Variants in UGT2A3 observed in about 807,000 individuals in gnomAD.
The protein encoded by UGT2A3 is UDP glucuronosyltransferase family 2 member A3.
In UGT2A3, 55 loss-of-function variants were observed where a neutral mutation model predicts 44.1. The ratio of observed to expected loss-of-function variants is 1.25; its 90% confidence interval spans 1.00 to 1.56. UGT2A3 has a LOEUF of 1.56. Ranked by LOEUF, UGT2A3 falls within the 40% of genes most tolerant of loss-of-function variation. The probability of loss-of-function intolerance (pLI) is 0.00; values close to 1 mark genes in which losing one functional copy is unlikely to be tolerated. For synonymous variants in UGT2A3, 243 were observed against 215.1 expected (o/e 1.13, Z -1.13); for missense variants, 733 against 621.6 (o/e 1.18, Z -1.91).
At chr4:68,935,834 C>T (rs963945077) in intron 2 of UGT2A3, among the ~76,000 whole-genome samples, 1 of 151,978 alleles carries the variant, frequency 6.6e-6, no homozygotes, top group Non-Finnish European at 1.5e-5. Flanking sequence ...AGACAAATGG[C>T]TAACTAGAAT....
chr4:68,935,767 G>A (rs1717929530), intron 2 of UGT2A3, among the ~76,000 whole-genome samples: 1 of 151,994 alleles, frequency 6.6e-6, no homozygotes. Flanking sequence ...ACTTCTCTGA[G>A]CTAAAGGAGC....
chr4:68,942,401 T>A (rs539694127), intron 2 of UGT2A3, among the ~76,000 whole-genome samples: 36 of 149,412 alleles, frequency 2.4e-4, no homozygotes, highest in South Asian at 2.3e-3. Context: ...TATAGATATA[T>A]ATTTCTATTC....
At chr4:68,948,415 A>C (rs572111329) in intron 1 of UGT2A3, among the ~76,000 whole-genome samples, 11 of 140,560 alleles carry the variant, frequency 7.8e-5, no homozygotes, top group African/African-American at 2.9e-4. Context: ...TGGTTGGTTT[A>C]ATTTTTTTTC....
chr4:68,933,264 C>G (rs1311116625), intron 2 of UGT2A3, among the ~76,000 whole-genome samples: 1 of 151,862 alleles, frequency 6.6e-6, no homozygotes, highest in East Asian at 1.9e-4. Flanking sequence ...AATCCATGAC[C>G]AGAAAGAAGA....
Position 68,951,036 on chromosome 4 carries a change from A to C in UGT2A3, c.715+10T>G. ...ATAACTAAATTAAAAATAAAACAAAAGTGTCTTACCTAATGCCTTACTATA... is the reference window on the plus strand; with the variant it reads ...ATAACTAAATTAAAAATAAAACAAACGTGTCTTACCTAATGCCTTACTATA... On this transcript the variant is annotated intron_variant, in intron 1 of 5. Coordinates refer to ENST00000251566, the MANE Select transcript of UGT2A3 (RefSeq NM_024743.4). The C allele has an allele frequency of 6.7e-7, 1 of 1,493,886 alleles. No individual in the cohort carries two copies. The highest frequency in any genetic ancestry group is 9.0e-7 in the Non-Finnish European group (1 of 1,116,962). The allele number at this position is 1,493,886 out of a possible 1,614,324, so 92.5% of individuals were successfully genotyped here.
chr4:68,951,158 G>A lies in UGT2A3; in HGVS notation c.603C>T (p.Asp201=), dbSNP rs1173739857. 1 of 1,611,900 alleles carries A rather than the reference G, an allele frequency of 6.2e-7. No homozygotes were observed. ...TTACTCTTTCCAGAAAGGTCATTCT[G>A]TCTGTTAGTCCTGTCATAGGCACAG... ...YVPVPMTGLT[D]RMTFLERVKN... is the part of the protein sequence containing the mutation. Residue 201 remains aspartate (D), a synonymous_variant, in exon 1 of 6, where the codon GAC becomes GAT. Coordinates refer to ENST00000251566, the MANE Select transcript of UGT2A3 (RefSeq NM_024743.4).
Position 68,951,152 on chromosome 4 carries a change from C to A in UGT2A3, c.609G>T (p.Met203Ile). 6.2e-7 allele frequency: 1 copy of A among 1,611,926 alleles called. No homozygotes were observed. Among genetic ancestry groups the A allele is most frequent in the Non-Finnish European group, 8.5e-7 (1 of 1,178,940 alleles). Reference sequence around the variant, plus strand: ...AATTTTTTACTCTTTCCAGAAAGGTCATTCTGTCTGTTAGTCCTGTCATAG... The same window carrying A: ...AATTTTTTACTCTTTCCAGAAAGGTAATTCTGTCTGTTAGTCCTGTCATAG... The part of the protein sequence containing the change: ...PVPMTGLTDR[M>I]TFLERVKNSM... Residue 203 changes from methionine (M) to isoleucine (I), a missense_variant, in exon 1 of 6, where the codon ATG (methionine) becomes ATT (isoleucine). By Grantham distance (10) the Met-to-Ile change is conservative. Transcript: ENST00000251566.
intron 2 of UGT2A3, chr4:68,943,195 A>C (rs1042302510): frequency 3.2e-5 from 15 of 471,894 alleles, no homozygotes; most frequent in Non-Finnish European, 4.6e-5. Flanking sequence ...GATTATTTCT[A>C]TGAGTGTGTG....
Position 68,945,365 on chromosome 4 carries a change from G to A in UGT2A3, c.805C>T (p.Gln269Ter), listed in dbSNP as rs1484986835. Residue 269 changes from glutamine (Q) to a stop codon, truncating the protein, a stop_gained, in exon 2 of 6, where the codon CAA becomes TAA. Transcript: ENST00000251566. LOFTEE classifies it high-confidence loss of function. Reference protein sequence around the residue: ...YWDFEFPQPYQPNFEFVGGLH... With the variant: ...YWDFEFPQPY ...CCTCCAACAAACTCAAAGTTAGGTT[G>A]GTATGGTTGAGGAAATTCAAAATCC... 1.2e-6 allele frequency: 2 copies of A among 1,611,428 alleles called. No homozygotes were observed. The highest frequency in any genetic ancestry group is 1.7e-6 in the Non-Finnish European group (2 of 1,178,504).
intron 2 of UGT2A3, among the ~76,000 whole-genome samples, chr4:68,942,361 A>G (rs1407386861): frequency 6.7e-6 from 1 of 149,490 alleles, no homozygotes; most frequent in African/African-American, 2.4e-5. Context: ...ATGCAATGAA[A>G]TGGATATGTA....
intron 5 of UGT2A3, 105 bp downstream of exon 5, chr4:68,930,441 G>C: frequency 9.2e-7 from 1 of 1,087,708 alleles, no homozygotes. Context: ...CAATATTGTG[G>C]AGTAAAATCC....
chr4:68,944,335 T>C (rs186592869), intron 2 of UGT2A3, among the ~76,000 whole-genome samples: 56 of 151,872 alleles, frequency 3.7e-4, no homozygotes, highest in African/African-American at 1.3e-3. Context: ...ATAAAAAGTA[T>C]CCCGTAAGAG....
rs755125201 is a variant in UGT2A3 at position 68,951,532 on chromosome 4, C to A, written c.229G>T (p.Val77Phe). 1 of 1,612,896 alleles carries A rather than the reference C, an allele frequency of 6.2e-7. No homozygotes were observed. Among genetic ancestry groups the A allele is most frequent in the African/African-American group, 1.3e-5 (1 of 74,936 alleles). The change falls in exon 1 of 6, where the codon GTC becomes TTC. Residue 77 changes from valine (V) to phenylalanine (F), a missense_variant. Transcript: ENST00000251566. Reference protein sequence around the residue: ...RKPSALKFEVVHMPQDRTEEN... With the variant: ...RKPSALKFEVFHMPQDRTEEN... Reference sequence around the variant, plus strand: ...TCTGTTCTGTCCTGTGGCATATGGACCACCTCAAATTTCAATGCAGAAGGC... The same window carrying A: ...TCTGTTCTGTCCTGTGGCATATGGAACACCTCAAATTTCAATGCAGAAGGC...
Position 68,951,476 on chromosome 4 carries a change from C to G in UGT2A3, c.285G>C (p.Leu95=). 6.2e-7 allele frequency: 1 copy of G among 1,612,576 alleles called. No individual in the cohort carries two copies. The highest frequency in any genetic ancestry group is 1.7e-5 in the Admixed American group (1 of 59,792). The change falls in exon 1 of 6, where the codon CTG becomes CTC. Residue 95 remains leucine, a synonymous_variant. Coordinates refer to ENST00000251566, the MANE Select transcript of UGT2A3 (RefSeq NM_024743.4). ...EENEIFVDLA[L]NVLPGLSTWQ... ...AGGTTGATAAGCCTGGCAAGACATT[C>G]AGAGCTAGGTCAACAAATATTTCAT...
In UGT2A3 at chr4:68,951,335, G is replaced by T; in HGVS notation, c.426C>A (p.Asn142Lys). ...CAGGGTCTATAAGCATTACATCGTAGTTGGTTTCCTGTAGCTTCTTCATAA... is the reference window on the plus strand; with the variant it reads ...CAGGGTCTATAAGCATTACATCGTATTTGGTTTCCTGTAGCTTCTTCATAA... Reference protein sequence around the residue: ...QTLMKKLQETNYDVMLIDPVI... With the variant: ...QTLMKKLQETKYDVMLIDPVI... The change falls in exon 1 of 6, where the codon AAC (asparagine) becomes AAA (lysine). Residue 142 changes from asparagine (N) to lysine (K), a missense_variant. By Grantham distance (94) the Asn-to-Lys change is moderately conservative. Coordinates refer to ENST00000251566, the MANE Select transcript of UGT2A3 (RefSeq NM_024743.4). 1 of 1,612,624 alleles carries T rather than the reference G, an allele frequency of 6.2e-7. No individual in the cohort carries two copies.
chr4:68,945,520 T>A, intron 1 of UGT2A3, 66 bp from the exon 2 acceptor site: 2 of 1,404,330 alleles, frequency 1.4e-6, no homozygotes, highest in Non-Finnish European at 1.9e-6. Flanking sequence ...TCACTAATTT[T>A]TCAGTAAGCT....
In UGT2A3 at chr4:68,945,420, T is replaced by A. The variant is rs746057510; in HGVS notation, c.750A>T (p.Lys250Asn). Reference sequence around the variant, plus strand: ...ATGTTCGTATTAGCCATATCTCAGCTTTTCCCACAGTCTCACATAATGTAG... The same window carrying A: ...ATGTTCGTATTAGCCATATCTCAGCATTTCCCACAGTCTCACATAATGTAG... ...RPTTLCETVG[K>N]AEIWLIRTYW... The change falls in exon 2 of 6, where the codon AAA becomes AAT. Residue 250 changes from lysine (K) to asparagine (N), a missense_variant. Lys to Asn is a moderately conservative substitution (Grantham distance 94, BLOSUM62 0). Transcript: ENST00000251566. 3 of 1,610,908 alleles carry A rather than the reference T, an allele frequency of 1.9e-6. No individual in the cohort carries two copies. The highest frequency in any genetic ancestry group is 1.1e-5 in the South Asian group (1 of 90,942).
intron 2 of UGT2A3, among the ~76,000 whole-genome samples, chr4:68,935,316 A>G (rs1273444193): frequency 7.4e-6 from 1 of 135,526 alleles, no homozygotes; most frequent in Non-Finnish European, 1.6e-5. Flanking sequence ...ATATATATAT[A>G]TGCATAATAT....
At chr4:68,947,906 C>T (rs922530191) in intron 1 of UGT2A3, among the ~76,000 whole-genome samples, 1 of 151,866 alleles carries the variant, frequency 6.6e-6, no homozygotes, top group African/African-American at 2.4e-5. Context: ...TGATATCATC[C>T]AGGCTTTGTT....
Sources: allele counts gnomAD v4.1 joint callset (sites outside exome capture counted in the v4.1 genomes callset), GRCh38; gene constraint gnomAD v4.1.1; transcripts MANE v1.5; gene names NCBI Gene and HGNC (gene_info 2026-07-23, HGNC 2026-07-21).